Variants in MEI1 observed in about 807,000 individuals in gnomAD.
MEI1 encodes the protein meiotic double-stranded break formation protein 1, also known as meiosis inhibitor protein 1.
A neutral mutation model predicts 146.2 loss-of-function variants in MEI1; 103 were observed. The ratio of observed to expected loss-of-function variants is 0.70; its 90% CI spans 0.60 to 0.83. The LOEUF (loss-of-function observed/expected upper bound fraction) is 0.83. Among genes scored for constraint, MEI1 ranks in the 40% least tolerant of loss-of-function variants. The pLI, the probability that MEI1 is intolerant of heterozygous loss-of-function variation, is 0.00. For missense variants in MEI1, 1,529 were observed against 1,533.0 expected (o/e 1.00, Z 0.04); for synonymous variants, 652 against 628.2 (o/e 1.04, Z -0.57).
intron 17 of MEI1, among the ~76,000 whole-genome samples, chr22:41,758,136 C>T (rs376452783): frequency 1.3e-5 from 2 of 151,886 alleles, no homozygotes; most frequent in South Asian, 2.1e-4. Context: ...AAGGAATGAA[C>T]GTTAATTTTT....
At chr22:41,726,046 G>A (rs1018524879) in intron 7 of MEI1, among the ~76,000 whole-genome samples, 6 of 152,162 alleles carry the variant, frequency 3.9e-5, no homozygotes, top group African/African-American at 7.2e-5. Context: ...TTGGGAGACC[G>A]GGACGGGTGG....
intron 26 of MEI1, among the ~76,000 whole-genome samples, chr22:41,790,466 C>A (rs933395287): frequency 1.6e-4 from 25 of 152,164 alleles, no homozygotes; most frequent in Admixed American, 1.4e-3. Context: ...CACAGTAACC[C>A]AGCAATAGAG....
chr22:41,783,501 A>G (rs1350521602), intron 24 of MEI1, among the ~76,000 whole-genome samples: 1 of 152,182 alleles, frequency 6.6e-6, no homozygotes, highest in Non-Finnish European at 1.5e-5. Flanking sequence ...CAAGTTGGTC[A>G]GGCTGGTCTT....
Position 41,795,670 on chromosome 22 carries a change from CA to C in MEI1, c.3667-64del, listed in dbSNP as rs1465974926. ...AGGAGGGAAGTACAGAGGATGGAGG[CA>C]GTTAGGGCCTGTGTGGAATGGGCAC... On this transcript the variant is annotated intron_variant, in intron 29 of 30. Coordinates refer to ENST00000401548, the MANE Select transcript of MEI1 (RefSeq NM_152513.4). This position sits in a 1 kb window ranked among gnomAD's most constrained non-coding sequence, Gnocchi z 4.2. The C allele has an allele frequency of 2.5e-6, 4 of 1,585,788 alleles. No homozygotes were observed. The highest frequency in any genetic ancestry group is 3.4e-6 in the Non-Finnish European group (4 of 1,160,916).
At chr22:41,757,666 T>G (rs1410795210) in intron 17 of MEI1, among the ~76,000 whole-genome samples, 6 of 152,074 alleles carry the variant, frequency 3.9e-5, no homozygotes. Context: ...CTTTGACCTT[T>G]CCTTCCCCAT....
At chr22:41,700,400 C>T (rs957560015) in intron 1 of MEI1, among the ~76,000 whole-genome samples, 4 of 152,318 alleles carry the variant, frequency 2.6e-5, no homozygotes, top group East Asian at 1.9e-4. Context: ...GCGCCATCTC[C>T]GCTCACTGCA....
chr22:41,742,749 C>T (rs1306640557), intron 11 of MEI1, among the ~76,000 whole-genome samples: 1 of 152,132 alleles, frequency 6.6e-6, no homozygotes, highest in African/African-American at 2.4e-5. Context: ...CCTTCTTGGG[C>T]TCAGGTGATC....
intron 5 of MEI1, among the ~76,000 whole-genome samples, chr22:41,716,910 C>T (rs559650265): frequency 4.0e-5 from 6 of 150,304 alleles, no homozygotes; most frequent in East Asian, 2.0e-4. Flanking sequence ...AGGATGGTCT[C>T]GATCTCCTGA....
intron 3 of MEI1, among the ~76,000 whole-genome samples, chr22:41,709,976 C>G (rs117839209): frequency 6.6e-5 from 10 of 151,962 alleles, no homozygotes; most frequent in African/African-American, 1.9e-4. Flanking sequence ...ATGTACCCCC[C>G]ACCCCCGGCA....
At position 41,700,378 on chromosome 22, in the gene MEI1, C is replaced by T. The variant is rs1332609144; in HGVS notation, c.174+666C>T. Among the ~76,000 whole-genome samples, 3 of 152,178 alleles carry T rather than the reference C, an allele frequency of 2.0e-5. No homozygotes were observed. The East Asian group carries it at 5.8e-4, about 29-fold the overall frequency. On this transcript the variant is annotated intron_variant, in intron 1 of 30. Coordinates refer to ENST00000401548, the MANE Select transcript of MEI1 (RefSeq NM_152513.4). ...CGGAGTCTCGCTCTGACACCCAGGC[C>T]GGAGTGCAATGGCGCCATCTCCGCT... is the stretch of plus-strand genomic sequence containing the variant.
chr22:41,741,231 A>G (rs2072838079), intron 11 of MEI1, among the ~76,000 whole-genome samples: 1 of 152,168 alleles, frequency 6.6e-6, no homozygotes, highest in South Asian at 2.1e-4. Flanking sequence ...CATGGCCCTG[A>G]CGACACCTCA....
At chr22:41,745,205 G>T (rs1289185248) in intron 13 of MEI1, 141 bp downstream of exon 13, 2 of 567,268 alleles carry the variant, frequency 3.5e-6, no homozygotes, top group Non-Finnish European at 5.8e-6. Context: ...TGGGGTAGGG[G>T]TTGGGGGTGT....
chr22:41,776,998 G>A (rs1289558816), intron 21 of MEI1, among the ~76,000 whole-genome samples: 1 of 151,432 alleles, frequency 6.6e-6, no homozygotes, highest in Admixed American at 6.6e-5. Context: ...TGTATTTTCA[G>A]GAGAGACGGG....
chr22:41,733,818 C>A (rs955549720), intron 11 of MEI1, among the ~76,000 whole-genome samples: 1 of 151,980 alleles, frequency 6.6e-6, no homozygotes, highest in African/African-American at 2.4e-5. Flanking sequence ...TATATGTAAT[C>A]TAGAGATGAT....
At chr22:41,710,599 T>C (rs2069462883) in intron 3 of MEI1, among the ~76,000 whole-genome samples, 1 of 152,182 alleles carries the variant, frequency 6.6e-6, no homozygotes. Flanking sequence ...TTAGGTCAGG[T>C]GGTTCCAGCT....
intron 11 of MEI1, among the ~76,000 whole-genome samples, chr22:41,739,831 A>G (rs2413658): frequency 6.3e-4 from 96 of 152,244 alleles, no homozygotes; most frequent in African/African-American, 2.3e-3. Context: ...GGTGAGAGTT[A>G]GATTTGTGGA....
chr22:41,796,274 G>A (rs958437925), intron 30 of MEI1, among the ~76,000 whole-genome samples: 8 of 151,758 alleles, frequency 5.3e-5, no homozygotes, highest in Admixed American at 3.3e-4. Flanking sequence ...TGTAACCTCC[G>A]CCTCCCAGGC....
At chr22:41,729,550 T>C (rs913247963) in intron 7 of MEI1, 115 bp from the exon 8 acceptor site, 1 of 695,520 alleles carries the variant, frequency 1.4e-6, no homozygotes, top group Non-Finnish European at 2.6e-6. Flanking sequence ...CCTGGTGCCA[T>C]GTGGGACAGG....
chr22:41,716,043 G>T lies in MEI1; in HGVS notation c.426G>T (p.Leu142=). Residue 142 remains leucine (L), a splice_region_variant and synonymous_variant, in exon 5 of 31, where the codon CTG becomes CTT. Transcript: ENST00000401548. The stretch of plus-strand genomic sequence containing the variant: ...TGGAGCATATTCACTTTCTGTAGCT[G>T]TGTAACATGCCCTCCATGCGAGGCA... ...RCLLDECHKE[L]CNMPSMRGSL... 2 of 1,605,774 alleles carry T rather than the reference G, an allele frequency of 1.2e-6. No individual in the cohort carries two copies. Among genetic ancestry groups the T allele is most frequent in the Non-Finnish European group, 8.5e-7 (1 of 1,175,692 alleles).
Sources: allele counts gnomAD v4.1 joint callset (sites outside exome capture counted in the v4.1 genomes callset), GRCh38; gene constraint gnomAD v4.1.1; non-coding constraint Gnocchi (gnomAD v3.1); transcripts MANE v1.5; gene names NCBI Gene and HGNC (gene_info 2026-07-23, HGNC 2026-07-21).